NCKAP5: variants seen among roughly 807,000 people sequenced by gnomAD.
NCKAP5 encodes the protein nck-associated protein 5.
Under a neutral mutation model 167.0 loss-of-function variants are expected in NCKAP5, and 92 were observed. The ratio of observed to expected loss-of-function variants is 0.55; its 90% CI spans 0.47 to 0.66. The LOEUF (loss-of-function observed/expected upper bound fraction) is 0.66. Among genes scored for constraint, NCKAP5 ranks in the 30% least tolerant of loss-of-function variants. The pLI, the probability that NCKAP5 is intolerant of heterozygous loss-of-function variation, is 0.00. For missense variants in NCKAP5, 2,378 were observed against 2,315.0 expected (o/e 1.03, Z -0.56); for synonymous variants, 891 against 877.4 (o/e 1.02, Z -0.27).
At chr2:132,934,046 A>C (rs545870834) in intron 8 of NCKAP5, among the ~76,000 whole-genome samples, 1 of 152,322 alleles carries the variant, frequency 6.6e-6, no homozygotes, top group Admixed American at 6.5e-5. Flanking sequence ...TCTTTGAAAC[A>C]AGTATTTCAA....
At chr2:133,374,728 C>G (rs941529066) in intron 3 of NCKAP5, among the ~76,000 whole-genome samples, 1 of 152,064 alleles carries the variant, frequency 6.6e-6, no homozygotes, top group Non-Finnish European at 1.5e-5. Context: ...TAAAACTGCT[C>G]TCAAAAATGT....
At chr2:133,519,072 T>A (rs1238345686) in intron 2 of NCKAP5, among the ~76,000 whole-genome samples, 2 of 152,160 alleles carry the variant, frequency 1.3e-5, no homozygotes, top group Admixed American at 1.3e-4. Context: ...ACAGGCAGGA[T>A]TTCATGGCCC....
chr2:133,066,374 TC>T (rs2080196592), intron 6 of NCKAP5, among the ~76,000 whole-genome samples: 1 of 152,226 alleles, frequency 6.6e-6, no homozygotes, highest in Non-Finnish European at 1.5e-5. Context: ...TTCTTACAAT[TC>T]TATAATTAAA....
chr2:133,319,953 C>A (rs1681909780), intron 3 of NCKAP5, among the ~76,000 whole-genome samples: 1 of 152,126 alleles, frequency 6.6e-6, no homozygotes, highest in Non-Finnish European at 1.5e-5. Context: ...TGAAAGACTG[C>A]AAATTGAGGG....
At chr2:133,306,830 C>A (rs1001063837) in intron 3 of NCKAP5, among the ~76,000 whole-genome samples, 1 of 152,160 alleles carries the variant, frequency 6.6e-6, no homozygotes, top group African/African-American at 2.4e-5. Context: ...ATTTGGGAAA[C>A]AATCAAATTC....
At chr2:133,110,392 G>A (rs2149713076) in intron 6 of NCKAP5, among the ~76,000 whole-genome samples, 1 of 152,304 alleles carries the variant, frequency 6.6e-6, no homozygotes, top group East Asian at 1.9e-4. Flanking sequence ...AGATGCTGCT[G>A]TCTCAGGTAC....
intron 3 of NCKAP5, among the ~76,000 whole-genome samples, chr2:133,312,526 G>T (rs910939668): frequency 6.6e-6 from 1 of 152,094 alleles, no homozygotes; most frequent in African/African-American, 2.4e-5. Context: ...AATGGTTTGT[G>T]CAATATCCAG....
intron 3 of NCKAP5, among the ~76,000 whole-genome samples, chr2:133,423,479 C>T (rs958820875): frequency 4.6e-5 from 7 of 152,042 alleles, no homozygotes; most frequent in African/African-American, 1.7e-4. Flanking sequence ...ATTCAGAACC[C>T]TTTTTGCTTA....
the NCKAP5 span, among the ~76,000 whole-genome samples, chr2:133,654,499 T>C: frequency 2.6e-5 from 4 of 152,182 alleles, no homozygotes; most frequent in East Asian, 7.7e-4. Context: ...GGATCAGGGG[T>C]AACGAGTTTC....
intron 8 of NCKAP5, among the ~76,000 whole-genome samples, chr2:132,921,782 T>A (rs1383964237): frequency 6.6e-6 from 1 of 152,178 alleles, no homozygotes; most frequent in Non-Finnish European, 1.5e-5. Flanking sequence ...TCCTGTGATT[T>A]GGTTGGAGCT....
chr2:133,053,402 A>T (rs1299360188), intron 6 of NCKAP5, among the ~76,000 whole-genome samples: 1 of 152,230 alleles, frequency 6.6e-6, no homozygotes, highest in African/African-American at 2.4e-5. Context: ...GGTAACTAGC[A>T]TTCCAGGGAC....
chr2:133,402,313 G>T (rs1453871557), intron 3 of NCKAP5, among the ~76,000 whole-genome samples: 5 of 152,184 alleles, frequency 3.3e-5, no homozygotes, highest in Non-Finnish European at 7.3e-5. Context: ...GGATGAGGAG[G>T]AGAAGACAAA....
intron 4 of NCKAP5, among the ~76,000 whole-genome samples, chr2:133,229,060 T>C (rs557162494): frequency 6.6e-6 from 1 of 152,154 alleles, no homozygotes; most frequent in South Asian, 2.1e-4. Flanking sequence ...CGTAAAACTC[T>C]GAAAGGAAGA....
At chr2:133,562,506 T>C (rs1416427563) in intron 1 of NCKAP5, among the ~76,000 whole-genome samples, 1 of 152,242 alleles carries the variant, frequency 6.6e-6, no homozygotes, top group Non-Finnish European at 1.5e-5. Context: ...GTTGCCTTTA[T>C]GGAGCGGTTT....
chr2:133,163,543 T>C (rs867821475), intron 5 of NCKAP5, among the ~76,000 whole-genome samples: 1 of 152,216 alleles, frequency 6.6e-6, no homozygotes, highest in African/African-American at 2.4e-5. Flanking sequence ...CTTTATATTT[T>C]TGCTGGAGTA....
the NCKAP5 span, among the ~76,000 whole-genome samples, chr2:133,634,216 G>A: frequency 6.7e-4 from 102 of 152,232 alleles, no homozygotes; most frequent in Middle Eastern, 3.4e-3. Context: ...GTCCCGGGGC[G>A]CTAACTAAGG....
intron 9 of NCKAP5, among the ~76,000 whole-genome samples, chr2:132,871,313 TAAAC>T (rs1690791977): frequency 6.6e-6 from 1 of 151,760 alleles, no homozygotes; most frequent in African/African-American, 2.4e-5. Flanking sequence ...TGTTGGCAAA[TAAAC>T]AAAACAAAAC....
intron 10 of NCKAP5, among the ~76,000 whole-genome samples, chr2:132,865,114 G>A (rs1169904109): frequency 6.6e-6 from 1 of 152,086 alleles, no homozygotes; most frequent in East Asian, 1.9e-4. Flanking sequence ...TGCCCCAAAT[G>A]CTAAGACTTT....
At chr2:132,711,368 T>A (rs1353978240) in intron 19 of NCKAP5, among the ~76,000 whole-genome samples, 1 of 152,210 alleles carries the variant, frequency 6.6e-6, no homozygotes, top group East Asian at 1.9e-4. Flanking sequence ...ATAGCCAGCA[T>A]CAAAAGGGCA....
Sources: gnomAD v4.1 joint callset for allele counts (sites outside exome capture counted in the v4.1 genomes callset) on GRCh38, gnomAD v4.1.1 for gene constraint, MANE v1.5 for transcripts, NCBI Gene and HGNC (gene_info 2026-07-23, HGNC 2026-07-21) for gene names.